ELP4: variants seen among roughly 807,000 people sequenced by gnomAD.
ELP4 encodes elongator acetyltransferase complex subunit 4, also known as elongator complex protein 4.
In ELP4, 51 loss-of-function variants were observed where a neutral mutation model predicts 48.9. The observed-to-expected ratio is 1.04, with a 90% CI of 0.83 to 1.32. ELP4 has a LOEUF of 1.32. Ranked by LOEUF, ELP4 falls within the 40% of genes most tolerant of loss-of-function variation. The pLI is 0.00. For synonymous variants in ELP4, 210 were observed against 189.2 expected (o/e 1.11, Z -0.90); for missense variants, 519 against 514.6 (o/e 1.01, Z -0.08).
chr11:31,657,603 T>C (rs1401483380), intron 9 of ELP4, among the ~76,000 whole-genome samples: 1 of 152,046 alleles, frequency 6.6e-6, no homozygotes, highest in African/African-American at 2.4e-5. Flanking sequence ...ATTTGGTATC[T>C]ACTTTGTTCT....
At chr11:31,713,667 A>G (rs1946785910) in intron 9 of ELP4, among the ~76,000 whole-genome samples, 5 of 152,158 alleles carry the variant, frequency 3.3e-5, no homozygotes, top group Admixed American at 3.3e-4. Flanking sequence ...AATTCCACCA[A>G]CCTTACAGTG....
At chr11:31,752,751 A>G (rs971605551) in intron 9 of ELP4, among the ~76,000 whole-genome samples, 4 of 151,316 alleles carry the variant, frequency 2.6e-5, no homozygotes, top group African/African-American at 7.3e-5. Flanking sequence ...GGAGAATGGC[A>G]TGAACCCGGG....
intron 1 of ELP4, among the ~76,000 whole-genome samples, chr11:31,517,906 C>T (rs887033965): frequency 2.0e-5 from 3 of 152,148 alleles, no homozygotes; most frequent in African/African-American, 7.2e-5. Flanking sequence ...TCGTGAGCCA[C>T]CGCACCCGGC....
intron 9 of ELP4, among the ~76,000 whole-genome samples, chr11:31,669,383 C>T (rs541945359): frequency 6.6e-6 from 1 of 151,974 alleles, no homozygotes; most frequent in Non-Finnish European, 1.5e-5. Flanking sequence ...GCCTGGCCCA[C>T]GTCTTTTATA....
intron 9 of ELP4, chr11:31,719,613 C>T (rs1209804807): frequency 1.5e-5 from 6 of 395,918 alleles, no homozygotes; most frequent in Non-Finnish European, 2.7e-5. Flanking sequence ...AAAAAATGTT[C>T]TATGTTTTCT....
At chr11:31,729,481 G>A (rs1330685807) in intron 9 of ELP4, among the ~76,000 whole-genome samples, 1 of 152,072 alleles carries the variant, frequency 6.6e-6, no homozygotes, top group Non-Finnish European at 1.5e-5. Flanking sequence ...AATAATAATA[G>A]ATACCAATAC....
chr11:31,730,737 C>G (rs1438621763), intron 9 of ELP4, among the ~76,000 whole-genome samples: 2 of 152,078 alleles, frequency 1.3e-5, no homozygotes, highest in Admixed American at 6.5e-5. Context: ...TTGGTTAGCT[C>G]TATCTCAAGG....
chr11:31,650,248 A>T, intron 9 of ELP4, 27 bp downstream of exon 9: 1 of 752,382 alleles, frequency 1.3e-6, no homozygotes, highest in Non-Finnish European at 2.3e-6. Flanking sequence ...GTTTTAGTTT[A>T]CAATCTTGAG....
intron 2 of ELP4, among the ~76,000 whole-genome samples, chr11:31,527,342 G>T (rs549570738): frequency 8.5e-5 from 13 of 152,068 alleles, no homozygotes; most frequent in African/African-American, 3.1e-4. Flanking sequence ...TCCAGACATC[G>T]CTACATATAT....
At chr11:31,560,444 G>C (rs981069270) in intron 3 of ELP4, among the ~76,000 whole-genome samples, 2 of 151,628 alleles carry the variant, frequency 1.3e-5, no homozygotes, top group African/African-American at 2.4e-5. Context: ...TGCAGACATA[G>C]AATCTTTCTA....
intron 2 of ELP4, among the ~76,000 whole-genome samples, chr11:31,533,586 C>T (rs1288508366): frequency 6.6e-6 from 1 of 151,188 alleles, no homozygotes; most frequent in Non-Finnish European, 1.5e-5. Context: ...GACGGGGTTT[C>T]ACCGTGTTAG....
chr11:31,595,515 G>A (rs1181951772), intron 4 of ELP4, among the ~76,000 whole-genome samples: 1 of 152,124 alleles, frequency 6.6e-6, no homozygotes, highest in East Asian at 1.9e-4. Flanking sequence ...GAAAAGAAAG[G>A]AATATTCTAA....
chr11:31,517,533 G>A (rs1017964467), intron 1 of ELP4, among the ~76,000 whole-genome samples: 1 of 151,970 alleles, frequency 6.6e-6, no homozygotes, highest in African/African-American at 2.4e-5. Context: ...TTTGTGGAAA[G>A]TTCTTTATTA....
intron 7 of ELP4, among the ~76,000 whole-genome samples, chr11:31,638,151 T>C (rs573206880): frequency 4.6e-5 from 7 of 152,038 alleles, no homozygotes; most frequent in Admixed American, 1.3e-4. Context: ...CAAGCTGTCA[T>C]AGTCTGCACT....
In ELP4 at chr11:31,773,524, C is replaced by G. The variant is rs140585181; in HGVS notation, c.1144-9869C>G. 1.0e-3 allele frequency among the ~76,000 whole-genome samples: 159 copies of G among 152,288 alleles called. 1 individual carries two copies. Among genetic ancestry groups the G allele is most frequent in the African/African-American group, 3.7e-3 (155 of 41,570 alleles). On this transcript the variant is annotated intron_variant, in intron 9 of 9. Coordinates refer to ENST00000640961, the MANE Select transcript of ELP4 (RefSeq NM_019040.5). ...GGGTTAGTAAATCCCACTGCCACCA[C>G]TGCAACTTCTTCTTGACCCCCATGA...
chr11:31,743,451 T>G (rs1171744750), intron 9 of ELP4, among the ~76,000 whole-genome samples: 1 of 152,202 alleles, frequency 6.6e-6, no homozygotes, highest in South Asian at 2.1e-4. Context: ...TACATTCTTT[T>G]CAGCACCACA....
At chr11:31,536,139 T>C (rs1454110915) in intron 2 of ELP4, among the ~76,000 whole-genome samples, 1 of 152,150 alleles carries the variant, frequency 6.6e-6, no homozygotes, top group Non-Finnish European at 1.5e-5. Context: ...AATATATCAT[T>C]TGTTTTCTCC....
At chr11:31,692,984 G>A (rs1048676555) in intron 9 of ELP4, among the ~76,000 whole-genome samples, 12 of 151,804 alleles carry the variant, frequency 7.9e-5, no homozygotes, top group African/African-American at 1.5e-4. Context: ...ACTCAATTCC[G>A]TAAATAGAGA....
At chr11:31,618,388 G>A (rs984788737) in intron 5 of ELP4, among the ~76,000 whole-genome samples, 1 of 152,096 alleles carries the variant, frequency 6.6e-6, no homozygotes, top group Admixed American at 6.6e-5. Context: ...CAACACGGTA[G>A]TTTGAACACT....
Sources: allele counts gnomAD v4.1 joint callset (sites outside exome capture counted in the v4.1 genomes callset), GRCh38; gene constraint gnomAD v4.1.1; transcripts MANE v1.5; gene names NCBI Gene and HGNC (gene_info 2026-07-23, HGNC 2026-07-21).